Variants in TRPM7 observed in about 807,000 individuals in gnomAD.
The protein encoded by TRPM7 is LTRPC ion channel family member 7.
Under a neutral mutation model 229.7 loss-of-function variants are expected in TRPM7, and 134 were observed. The observed-to-expected ratio is 0.58, with a 90% confidence interval of 0.51 to 0.67. The LOEUF is 0.67. Among genes scored for constraint, TRPM7 ranks in the 30% least tolerant of loss-of-function variants. The probability of loss-of-function intolerance (pLI) is 0.00; values close to 1 mark genes in which losing one functional copy is unlikely to be tolerated. For synonymous variants in TRPM7, 699 were observed against 715.2 expected (o/e 0.98, Z 0.36); for missense variants, 1,901 against 2,210.0 (o/e 0.86, Z 2.80).
chr15:50,627,596 T>TA (rs1347284348), intron 11 of TRPM7, among the ~76,000 whole-genome samples: 1 of 152,130 alleles, frequency 6.6e-6, no homozygotes, highest in Non-Finnish European at 1.5e-5. Flanking sequence ...CTCCTGTCCA[T>TA]AAAAGGAGAG....
At chr15:50,601,476 C>T (rs1029442550) in intron 21 of TRPM7, among the ~76,000 whole-genome samples, 4 of 151,786 alleles carry the variant, frequency 2.6e-5, no homozygotes, top group Admixed American at 2.0e-4. Context: ...ACCCTGTCTC[C>T]ACTAAAAATA....
In TRPM7 at chr15:50,561,366, TAA is replaced by T. The variant is rs1383551817; in HGVS notation, c.*310_*311del. 5 of 240,616 alleles carry T rather than the reference TAA, an allele frequency of 2.1e-5. No individual in the cohort carries two copies. In the Admixed American group the frequency reaches 2.2e-4, roughly 10 times the overall value. 14.9% of individuals were successfully genotyped at this position (240,616 alleles called of 1,614,324 possible). On this transcript the variant is annotated 3_prime_UTR_variant, in exon 39 of 39. Coordinates refer to ENST00000646667, the MANE Select transcript of TRPM7 (RefSeq NM_017672.6). ...CTTTGGTTAATGGTATTGTACCACA[TAA>T]GAGAGAGCATCACCCTCATCAAAAC...
intron 28 of TRPM7, among the ~76,000 whole-genome samples, chr15:50,585,081 G>C (rs2038267172): frequency 7.2e-6 from 1 of 139,618 alleles, no homozygotes; most frequent in Non-Finnish European, 1.5e-5. Flanking sequence ...TTGAGACGGA[G>C]TCTCGCTCTG....
intron 1 of TRPM7, among the ~76,000 whole-genome samples, chr15:50,678,657 C>T (rs2062159308): frequency 1.3e-5 from 2 of 151,806 alleles, no homozygotes; most frequent in South Asian, 2.1e-4. Flanking sequence ...ATTTTAGATA[C>T]GAACCCTATG....
chr15:50,598,219 A>G (rs1289857255), intron 22 of TRPM7, among the ~76,000 whole-genome samples: 1 of 152,218 alleles, frequency 6.6e-6, no homozygotes, highest in Non-Finnish European at 1.5e-5. Flanking sequence ...TCAACAAAAT[A>G]AAGATTCTAT....
chr15:50,637,681 T>A, intron 6 of TRPM7, 88 bp from the exon 7 acceptor site: 2 of 1,171,872 alleles, frequency 1.7e-6, no homozygotes, highest in Non-Finnish European at 2.4e-6. Flanking sequence ...TAAAGACAAG[T>A]AAGAAGTAAA....
At chr15:50,599,550 T>C in intron 21 of TRPM7, 1 of 311,776 alleles carries the variant, frequency 3.2e-6, no homozygotes, top group Non-Finnish European at 5.8e-6. Context: ...TAATGAATTG[T>C]ATCACTGGTT....
intron 26 of TRPM7, 113 bp downstream of exon 26, chr15:50,591,798 T>G (rs1227516178): frequency 2.5e-6 from 2 of 811,064 alleles, no homozygotes; most frequent in Non-Finnish European, 3.5e-6. Flanking sequence ...TTTTAAAAAT[T>G]TTATAATTAT....
At chr15:50,670,810 G>GAAA (rs59965204) in intron 1 of TRPM7, among the ~76,000 whole-genome samples, 350 of 113,510 alleles carry the variant, frequency 3.1e-3, no homozygotes, top group Admixed American at 5.5e-3. Context: ...AAAAGAAAAA[G>GAAA]AAAAAAAAAA....
chr15:50,675,899 TA>T (rs942443716), intron 1 of TRPM7, among the ~76,000 whole-genome samples: 1 of 152,212 alleles, frequency 6.6e-6, no homozygotes, highest in African/African-American at 2.4e-5. Context: ...TGGTCTGAGT[TA>T]GGATCCCAGC....
chr15:50,625,385 C>T lies in TRPM7; in HGVS notation c.1306-1085G>A, dbSNP rs74629648. 8.9e-3 allele frequency among the ~76,000 whole-genome samples: 1,356 copies of T among 152,194 alleles called. 12 individuals are homozygous for T. Among genetic ancestry groups the T allele is most frequent in the Non-Finnish European group, 0.016 (1,088 of 68,016 alleles). ...TCCAATCTATCTTCGATTTACATCA[C>T]CTAGCAAGGATATAGTCTTCATGAT... On this transcript the variant is annotated intron_variant, in intron 11 of 38. Coordinates refer to ENST00000646667, the MANE Select transcript of TRPM7 (RefSeq NM_017672.6).
rs548735356 is a variant in TRPM7 at position 50,560,373 on chromosome 15, CTT to C, written c.*1303_*1304del. ...GTATATAGTATCTTTAAGTAATACACTTTTTCTTTCTCCCCACCCCCAATCAA... is the reference window on the plus strand; with the variant it reads ...GTATATAGTATCTTTAAGTAATACACTTTCTTTCTCCCCACCCCCAATCAA... On this transcript the variant is annotated 3_prime_UTR_variant, in exon 39 of 39. Coordinates refer to ENST00000646667, the MANE Select transcript of TRPM7 (RefSeq NM_017672.6). 2 of 152,536 alleles carry C rather than the reference CTT, an allele frequency of 1.3e-5. No individual in the cohort carries two copies. Among genetic ancestry groups the C allele is most frequent in the South Asian group, 2.1e-4 (1 of 4,830 alleles). The allele number at this position is 152,536 out of a possible 1,614,324, so 9.4% of individuals were successfully genotyped here.
intron 4 of TRPM7, 59 bp downstream of exon 4, chr15:50,648,628 T>C: frequency 6.8e-7 from 1 of 1,460,634 alleles, no homozygotes; most frequent in Non-Finnish European, 9.3e-7. Context: ...CTACACAAAT[T>C]GTGATGTTTA....
At chr15:50,578,127 T>C (rs752113411) in intron 31 of TRPM7, among the ~76,000 whole-genome samples, 9 of 152,230 alleles carry the variant, frequency 5.9e-5, no homozygotes, top group Non-Finnish European at 8.8e-5. Flanking sequence ...TTTTAGGTGC[T>C]GATTACATGG....
At chr15:50,632,085 G>A (rs968054847) in intron 9 of TRPM7, among the ~76,000 whole-genome samples, 5 of 151,998 alleles carry the variant, frequency 3.3e-5, no homozygotes, top group Non-Finnish European at 5.9e-5. Context: ...GGCGGATCAC[G>A]TGAGGTTAGG....
At chr15:50,645,143 G>C (rs1023331168) in intron 4 of TRPM7, among the ~76,000 whole-genome samples, 4 of 151,828 alleles carry the variant, frequency 2.6e-5, no homozygotes, top group African/African-American at 9.7e-5. Flanking sequence ...GGGCTCAAGT[G>C]ATCTGCCCAC....
In TRPM7 at chr15:50,665,605, A is replaced by G. The variant is rs569470876; in HGVS notation, c.4-2559T>C. Among the ~76,000 whole-genome samples the G allele has an allele frequency of 5.3e-5, 8 of 152,234 alleles. No individual in the cohort carries two copies. The South Asian group carries it at 1.2e-3, about 24-fold the overall frequency. ...AAAAATTTTAAATTCTTAGAAGTGA[A>G]TAATAGTGAAAATTCTATGCACTTG... On this transcript the variant is annotated intron_variant, in intron 1 of 38. Transcript: ENST00000646667.
Position 50,592,192 on chromosome 15 carries a change from G to C in TRPM7, c.4043C>G (p.Ala1348Gly), listed in dbSNP as rs751455752. 3.1e-5 allele frequency: 50 copies of C among 1,614,054 alleles called. No homozygotes were observed. In the Middle Eastern group the frequency reaches 2.5e-3, roughly 80 times the overall value. The change falls in exon 26 of 39, where the codon GCT (alanine) becomes GGT (glycine). Residue 1348 changes from alanine to glycine, a missense_variant. Physicochemically the swap from Ala to Gly is moderately conservative, Grantham distance 60. Coordinates refer to ENST00000646667, the MANE Select transcript of TRPM7 (RefSeq NM_017672.6). ...GAATAAGGCACCAGAAGAGGAACCA[G>C]CCTCTGGAAAATTAAATTCTTTTCT... The part of the protein sequence containing the change: ...PQRKEFNFPE[A>G]GSSSGALFPS...
chr15:50,610,987 C>G (rs918202434), intron 17 of TRPM7, 106 bp downstream of exon 17: 3 of 831,394 alleles, frequency 3.6e-6, no homozygotes, highest in East Asian at 2.6e-5. Context: ...CTTTACCCCC[C>G]ACCATTACAC....
Sources: gnomAD v4.1 joint callset for allele counts (sites outside exome capture counted in the v4.1 genomes callset) on GRCh38, gnomAD v4.1.1 for gene constraint, MANE v1.5 for transcripts, NCBI Gene and HGNC (gene_info 2026-07-23, HGNC 2026-07-21) for gene names.